Variants in KSR2 observed in about 807,000 individuals in gnomAD.
The protein encoded by KSR2 is kinase suppressor of ras 2.
Under a neutral mutation model 107.8 loss-of-function variants are expected in KSR2, and 25 were observed. The ratio of observed to expected loss-of-function variants is 0.23; its 90% CI spans 0.17 to 0.32. KSR2 has a LOEUF of 0.32. Among genes scored for constraint, KSR2 ranks in the 10% least tolerant of loss-of-function variants. KSR2 has a pLI of 1.00. For synonymous variants in KSR2, 480 were observed against 507.0 expected (o/e 0.95, Z 0.71); for missense variants, 887 against 1,268.9 (o/e 0.70, Z 4.57).
intron 4 of KSR2, among the ~76,000 whole-genome samples, chr12:117,700,348 T>C (rs1886252800): frequency 6.6e-6 from 1 of 152,146 alleles, no homozygotes; most frequent in African/African-American, 2.4e-5. Context: ...GCCCACAGAC[T>C]CAACCACCTG....
At chr12:117,749,419 G>A (rs1190330856) in intron 4 of KSR2, among the ~76,000 whole-genome samples, 1 of 151,940 alleles carries the variant, frequency 6.6e-6, no homozygotes, top group Non-Finnish European at 1.5e-5. Flanking sequence ...TCAACTCCTT[G>A]AAAAGAAATA....
At chr12:117,731,158 C>T (rs190432222) in intron 4 of KSR2, among the ~76,000 whole-genome samples, 86 of 149,496 alleles carry the variant, frequency 5.8e-4, no homozygotes, top group Admixed American at 9.3e-4. Context: ...TGCCCGGCCA[C>T]GACCCCGTCT....
intron 1 of KSR2, among the ~76,000 whole-genome samples, chr12:117,959,085 T>C (rs927620646): frequency 2.0e-5 from 3 of 152,234 alleles, no homozygotes; most frequent in Non-Finnish European, 4.4e-5. Context: ...TGAATGTATC[T>C]AAATATCACA....
At chr12:117,697,468 C>T (rs2393252) in intron 4 of KSR2, among the ~76,000 whole-genome samples, 21,356 of 152,222 alleles carry the variant, frequency 0.14, 1,884 homozygotes, top group African/African-American at 0.25. Context: ...TTCTGCCAGG[C>T]GCTGTGGCCC....
At chr12:117,600,606 C>T (rs1880886491) in intron 5 of KSR2, among the ~76,000 whole-genome samples, 1 of 152,220 alleles carries the variant, frequency 6.6e-6, no homozygotes, top group African/African-American at 2.4e-5. Context: ...CAGGCCTGAT[C>T]TATGCCTCTT....
At chr12:117,565,302 A>G (rs1270151320) in intron 7 of KSR2, among the ~76,000 whole-genome samples, 1 of 152,206 alleles carries the variant, frequency 6.6e-6, no homozygotes, top group Non-Finnish European at 1.5e-5. Context: ...GTTCCATGCC[A>G]GCTAACTTTA....
chr12:117,718,028 A>G (rs1328782061), intron 4 of KSR2, among the ~76,000 whole-genome samples: 1 of 152,206 alleles, frequency 6.6e-6, no homozygotes, highest in Non-Finnish European at 1.5e-5. Context: ...CCTAAAGCCC[A>G]CCATTCCTAA....
At chr12:117,762,978 G>A (rs1003673028) in intron 3 of KSR2, among the ~76,000 whole-genome samples, 3 of 151,994 alleles carry the variant, frequency 2.0e-5, no homozygotes, top group Non-Finnish European at 4.4e-5. Context: ...CCATGTTGGT[G>A]TGCTGCACTC....
intron 5 of KSR2, among the ~76,000 whole-genome samples, chr12:117,637,091 T>C (rs911057549): frequency 1.3e-5 from 2 of 149,990 alleles, no homozygotes; most frequent in Non-Finnish European, 3.0e-5. Context: ...AAACTGAAAT[T>C]AAACTGAGGC....
At chr12:117,738,136 T>G (rs1888016891) in intron 4 of KSR2, among the ~76,000 whole-genome samples, 1 of 151,854 alleles carries the variant, frequency 6.6e-6, no homozygotes, top group Non-Finnish European at 1.5e-5. Flanking sequence ...GGATCTGGAG[T>G]CAGAGCTGCA....
At chr12:117,637,916 A>AATAC (rs1883189091) in intron 5 of KSR2, among the ~76,000 whole-genome samples, 1 of 152,112 alleles carries the variant, frequency 6.6e-6, no homozygotes, top group Non-Finnish European at 1.5e-5. Flanking sequence ...GTAAAAAATA[A>AATAC]ATACATACAT....
At position 117,459,608 on chromosome 12, in the gene KSR2, A is replaced by C. The variant is rs1870794179; in HGVS notation, c.*7591T>G. ...CCCAATGACTTGGTTGAAGATGAAA[A>C]CTCAGGTGAAAACTTAACCCTTCTG... On this transcript the variant is annotated 3_prime_UTR_variant, in exon 20 of 20. Coordinates refer to ENST00000339824, the MANE Select transcript of KSR2 (RefSeq NM_173598.6). 6.6e-6 allele frequency: 1 copy of C among 152,078 alleles called. No individual in the cohort carries two copies. Among genetic ancestry groups the C allele is most frequent in the Admixed American group, 6.5e-5 (1 of 15,276 alleles). The allele number at this position is 152,078 out of a possible 1,614,324, so 9.4% of individuals were successfully genotyped here.
intron 16 of KSR2, among the ~76,000 whole-genome samples, chr12:117,479,542 ACCCCCCT>A (rs1872024643): frequency 6.6e-6 from 1 of 151,660 alleles, no homozygotes; most frequent in Admixed American, 6.6e-5. Context: ...GGCCGTTAGC[ACCCCCCT>A]CCCCCTAATC....
At chr12:117,950,749 A>ATAAATAATAAT (rs60499991) in intron 1 of KSR2, among the ~76,000 whole-genome samples, 23 of 132,146 alleles carry the variant, frequency 1.7e-4, no homozygotes, top group African/African-American at 6.7e-4. Context: ...AAAAAAAAAA[A>ATAAATAATAAT]AATAATAATA....
intron 7 of KSR2, among the ~76,000 whole-genome samples, chr12:117,578,363 G>C (rs1022031643): frequency 6.6e-6 from 1 of 152,102 alleles, no homozygotes; most frequent in African/African-American, 2.4e-5. Flanking sequence ...GGAGCCTGAC[G>C]GGGGAGGATC....
At chr12:117,547,847 A>T (rs778044223) in intron 9 of KSR2, among the ~76,000 whole-genome samples, 6 of 152,170 alleles carry the variant, frequency 3.9e-5, no homozygotes, top group Non-Finnish European at 7.3e-5. Context: ...CTGTAATCCC[A>T]GCACTTTGGG....
chr12:117,636,294 A>C (rs1294196770), intron 5 of KSR2, among the ~76,000 whole-genome samples: 1 of 152,010 alleles, frequency 6.6e-6, no homozygotes, highest in African/African-American at 2.4e-5. Flanking sequence ...TGTTTGTTGG[A>C]AAAATAGTTA....
rs951788466 is a variant in KSR2 at position 117,833,032 on chromosome 12, G to A, written c.472+22396C>T. On this transcript the variant is annotated intron_variant, in intron 3 of 19. Coordinates refer to ENST00000339824, the MANE Select transcript of KSR2 (RefSeq NM_173598.6). ...TGCTCTTTCAGAGCCTTCGTGGGGC[G>A]GGGGGTGGTGGAGGCGGGAAGGTGG... 7.9e-5 allele frequency among the ~76,000 whole-genome samples: 12 copies of A among 152,124 alleles called. No homozygotes were observed. The South Asian group carries it at 8.3e-4, about 11-fold the overall frequency.
chr12:117,619,986 C>T (rs1882098271), intron 5 of KSR2, among the ~76,000 whole-genome samples: 1 of 152,144 alleles, frequency 6.6e-6, no homozygotes, highest in Non-Finnish European at 1.5e-5. Flanking sequence ...AATCTACTAT[C>T]TGTCTCCATA....
Sources: allele counts gnomAD v4.1 joint callset (sites outside exome capture counted in the v4.1 genomes callset), GRCh38; gene constraint gnomAD v4.1.1; transcripts MANE v1.5; gene names NCBI Gene and HGNC (gene_info 2026-07-23, HGNC 2026-07-21).